The following PIP5K1B variants were observed in gnomAD, a reference collection of about 807,000 sequenced individuals.
The protein encoded by PIP5K1B is phosphatidylinositol-4-phosphate 5-kinase type 1 beta, also known as phosphatidylinositol 4-phosphate 5-kinase type-1 beta.
In PIP5K1B, 42 loss-of-function variants were observed where a neutral mutation model predicts 67.0. That is an observed-to-expected ratio of 0.63 (90% CI 0.49 to 0.81). The LOEUF is 0.81. Among genes scored for constraint, PIP5K1B ranks in the 30% least tolerant of loss-of-function variants. The probability of loss-of-function intolerance (pLI) is 0.00; values close to 1 mark genes in which losing one functional copy is unlikely to be tolerated. For missense variants in PIP5K1B, 459 were observed against 646.3 expected (o/e 0.71, Z 3.14); for synonymous variants, 214 against 231.4 (o/e 0.92, Z 0.68).
At chr9:68,952,825 G>GCCTT (rs538582941) in intron 14 of PIP5K1B, among the ~76,000 whole-genome samples, 49 of 142,464 alleles carry the variant, frequency 3.4e-4, no homozygotes, top group African/African-American at 5.1e-4. Flanking sequence ...CTGCCTGCCT[G>GCCTT]CCTTCCTTCC....
At chr9:68,723,448 T>G (rs570426861) in intron 1 of PIP5K1B, among the ~76,000 whole-genome samples, 1 of 152,176 alleles carries the variant, frequency 6.6e-6, no homozygotes, top group South Asian at 2.1e-4. Context: ...CATCTTTACA[T>G]TCCCACCAAT....
intron 2 of PIP5K1B, among the ~76,000 whole-genome samples, chr9:68,806,025 C>T (rs1255391150): frequency 3.3e-5 from 5 of 152,330 alleles, no homozygotes; most frequent in Non-Finnish European, 1.5e-5. Context: ...CCTAGTTTCA[C>T]TCTCCCAGGA....
At chr9:68,765,744 A>G (rs1204123938) in intron 2 of PIP5K1B, among the ~76,000 whole-genome samples, 15 of 152,188 alleles carry the variant, frequency 9.9e-5, no homozygotes, top group Non-Finnish European at 2.2e-4. Flanking sequence ...AAAAAGTGCC[A>G]CTTTTTGTTA....
intron 4 of PIP5K1B, among the ~76,000 whole-genome samples, chr9:68,862,846 G>A (rs1025367914): frequency 1.7e-4 from 25 of 148,384 alleles, no homozygotes; most frequent in African/African-American, 6.1e-4. Context: ...TATAGAAGTG[G>A]CTCCAGGACC....
chr9:68,831,358 A>C (rs969577952), intron 4 of PIP5K1B, among the ~76,000 whole-genome samples: 4 of 152,258 alleles, frequency 2.6e-5, no homozygotes, highest in African/African-American at 9.6e-5. Flanking sequence ...TTTAGAAAAT[A>C]CATTTAATCT....
intron 14 of PIP5K1B, among the ~76,000 whole-genome samples, chr9:68,957,238 A>T (rs1440663860): frequency 6.6e-6 from 1 of 151,970 alleles, no homozygotes; most frequent in African/African-American, 2.4e-5. Flanking sequence ...GAAAAAGAAA[A>T]AAAAAAAGGT....
chr9:68,911,054 T>C (rs1825820589), intron 8 of PIP5K1B, among the ~76,000 whole-genome samples: 1 of 152,152 alleles, frequency 6.6e-6, no homozygotes, highest in African/African-American at 2.4e-5. Flanking sequence ...CAAGCACAGA[T>C]GTCAGGAATG....
At position 68,969,237 on chromosome 9, in the gene PIP5K1B, G is replaced by A. The variant is rs370220996; in HGVS notation, c.1503-21903G>A. 1.6e-4 allele frequency among the ~76,000 whole-genome samples: 25 copies of A among 151,906 alleles called. 1 individual carries two copies. The highest frequency in any genetic ancestry group is 4.8e-4 in the African/African-American group (20 of 41,418). On this transcript the variant is annotated intron_variant, in intron 14 of 15. Coordinates refer to ENST00000265382, the MANE Select transcript of PIP5K1B (RefSeq NM_003558.4). ...CAAAAAATTAGCCGGGCATGGTGGCGGGCACCTGTAGTCCCGGCTACTCGG... is the reference window on the plus strand; with the variant it reads ...CAAAAAATTAGCCGGGCATGGTGGCAGGCACCTGTAGTCCCGGCTACTCGG...
At chr9:68,849,625 C>A (rs1304368083) in intron 4 of PIP5K1B, among the ~76,000 whole-genome samples, 1 of 152,236 alleles carries the variant, frequency 6.6e-6, no homozygotes, top group African/African-American at 2.4e-5. Flanking sequence ...CTCGGCCTCC[C>A]AAAGTGCTGG....
intron 6 of PIP5K1B, among the ~76,000 whole-genome samples, chr9:68,887,539 A>AAAT (rs1271702425): frequency 1.3e-5 from 2 of 152,324 alleles, no homozygotes; most frequent in East Asian, 1.9e-4. Flanking sequence ...TAGATCTCAC[A>AAAT]AATAAGTGAG....
chr9:68,736,283 C>T (rs548160683), intron 1 of PIP5K1B, among the ~76,000 whole-genome samples: 1 of 152,322 alleles, frequency 6.6e-6, no homozygotes, highest in Non-Finnish European at 1.5e-5. Flanking sequence ...GTCTTTTACT[C>T]TACTAGTATA....
At chr9:68,981,111 G>T (rs1208125502) in intron 14 of PIP5K1B, among the ~76,000 whole-genome samples, 1 of 152,142 alleles carries the variant, frequency 6.6e-6, no homozygotes, top group Non-Finnish European at 1.5e-5. Context: ...AATATGAACA[G>T]CCCTGACAAA....
At chr9:68,988,050 CT>C (rs1178078432) in intron 14 of PIP5K1B, among the ~76,000 whole-genome samples, 1 of 151,992 alleles carries the variant, frequency 6.6e-6, no homozygotes, top group African/African-American at 2.4e-5. Flanking sequence ...AAAGGATGTC[CT>C]TGTTTTTAGG....
intron 2 of PIP5K1B, among the ~76,000 whole-genome samples, chr9:68,813,676 C>CA (rs1833283724): frequency 5.9e-5 from 9 of 152,088 alleles, no homozygotes; most frequent in African/African-American, 1.9e-4. Context: ...CCTAGTATAA[C>CA]TGGTGTTCTT....
rs76841474 is a variant in PIP5K1B at position 68,939,676 on chromosome 9, G to A, written c.1358-970G>A. On this transcript the variant is annotated intron_variant, in intron 13 of 15. Transcript: ENST00000265382. The stretch of plus-strand genomic sequence containing the variant: ...GTGTCGTCTGATTTCCCAGACTAGA[G>A]TCCAGCCTTTCCTGTGCTTGCCTGG... Among the ~76,000 whole-genome samples the A allele has an allele frequency of 4.3e-4, 65 of 152,258 alleles. 1 individual carries two copies. The highest frequency in any genetic ancestry group is 1.4e-3 in the African/African-American group (60 of 41,556).
chr9:68,821,255 CA>C (rs1833716642), intron 3 of PIP5K1B, among the ~76,000 whole-genome samples: 1 of 152,160 alleles, frequency 6.6e-6, no homozygotes, highest in Non-Finnish European at 1.5e-5. Context: ...GACCCTGTCT[CA>C]AAAACAAACA....
chr9:68,977,258 A>G (rs1241168441), intron 14 of PIP5K1B, among the ~76,000 whole-genome samples: 1 of 152,230 alleles, frequency 6.6e-6, no homozygotes, highest in African/African-American at 2.4e-5. Context: ...ATGGTGGCTC[A>G]CGGCTGTAAT....
chr9:68,937,981 G>A (rs776930997), intron 13 of PIP5K1B, among the ~76,000 whole-genome samples: 11 of 152,010 alleles, frequency 7.2e-5, no homozygotes, highest in African/African-American at 1.2e-4. Flanking sequence ...TATGATTTCC[G>A]GTCTTTTGCA....
intron 2 of PIP5K1B, among the ~76,000 whole-genome samples, chr9:68,804,722 A>G (rs1237242050): frequency 6.6e-6 from 1 of 151,486 alleles, no homozygotes; most frequent in Non-Finnish European, 1.5e-5. Flanking sequence ...CTCCCAAAGC[A>G]CTGGAACTAC....
Sources: gnomAD v4.1 joint callset for allele counts (sites outside exome capture counted in the v4.1 genomes callset) on GRCh38, gnomAD v4.1.1 for gene constraint, MANE v1.5 for transcripts, NCBI Gene and HGNC (gene_info 2026-07-23, HGNC 2026-07-21) for gene names.